The following RYR2 variants were observed in gnomAD, a reference collection of about 807,000 sequenced individuals.
The protein encoded by RYR2 is ryanodine receptor 2.
A neutral mutation model predicts 601.1 loss-of-function variants in RYR2; 227 were observed. The observed-to-expected ratio is 0.38, with a 90% CI of 0.34 to 0.42. The LOEUF (loss-of-function observed/expected upper bound fraction) is 0.42. Among genes scored for constraint, RYR2 ranks in the 10% least tolerant of loss-of-function variants. RYR2 has a pLI of 1.00. For synonymous variants in RYR2, 2,223 were observed against 2,175.1 expected (o/e 1.02, Z -0.61); for missense variants, 4,646 against 6,156.5 (o/e 0.75, Z 8.21).
At chr1:237,813,963 C>T (rs532733720) in intron 100 of RYR2, among the ~76,000 whole-genome samples, 18 of 152,280 alleles carry the variant, frequency 1.2e-4, no homozygotes, top group South Asian at 4.1e-4. Flanking sequence ...TTCACAGTGA[C>T]GGGCTGCTGC....
intron 2 of RYR2, among the ~76,000 whole-genome samples, chr1:237,275,462 T>C (rs1233945883): frequency 1.3e-5 from 2 of 151,796 alleles, no homozygotes; most frequent in African/African-American, 4.8e-5. Flanking sequence ...AGGCATAATT[T>C]AGACTAAAAA....
At chr1:237,685,170 A>G (rs773665102) in intron 62 of RYR2, among the ~76,000 whole-genome samples, 9 of 152,196 alleles carry the variant, frequency 5.9e-5, no homozygotes, top group Non-Finnish European at 1.2e-4. Flanking sequence ...GAAGCAGAGA[A>G]AGGGGACAAC....
At chr1:237,500,682 G>A (rs763533343) in intron 20 of RYR2, 29 bp from the exon 21 acceptor site, 4 of 1,535,854 alleles carry the variant, frequency 2.6e-6, no homozygotes, top group Non-Finnish European at 3.5e-6. Flanking sequence ...AAAAATACAT[G>A]ACCTTCCTTA....
At chr1:237,804,470 G>A (rs906084858) in intron 98 of RYR2, among the ~76,000 whole-genome samples, 6 of 151,980 alleles carry the variant, frequency 3.9e-5, no homozygotes, top group Non-Finnish European at 5.9e-5. Context: ...GGTGTCCGCC[G>A]CTTCCCCAAA....
At position 237,367,745 on chromosome 1, in the gene RYR2, C is replaced by T. The variant is rs139212159; in HGVS notation, c.310-1789C>T. On this transcript the variant is annotated intron_variant, in intron 5 of 104. Transcript: ENST00000366574. Reference sequence around the variant, plus strand: ...TTCCTGTGAAGTTTTTCTGTGCAACCCAACACTAAAATTCCATGATTGCTT... The same window carrying T: ...TTCCTGTGAAGTTTTTCTGTGCAACTCAACACTAAAATTCCATGATTGCTT... 3.0e-3 allele frequency among the ~76,000 whole-genome samples: 464 copies of T among 152,202 alleles called. 6 individuals carry two copies. The highest frequency in any genetic ancestry group is 0.01 in the African/African-American group (419 of 41,500).
chr1:237,674,242 T>A, intron 59 of RYR2, 23 bp downstream of exon 59: 3 of 1,574,192 alleles, frequency 1.9e-6, no homozygotes, highest in Non-Finnish European at 8.7e-7. Context: ...ATACCCTAAG[T>A]ACACACTCTT....
At chr1:237,099,475 C>T (rs543264913) in intron 1 of RYR2, among the ~76,000 whole-genome samples, 11 of 152,106 alleles carry the variant, frequency 7.2e-5, no homozygotes, top group South Asian at 4.1e-4. Context: ...TGGGCCCAAG[C>T]GATCCTCCCA....
intron 25 of RYR2, among the ~76,000 whole-genome samples, chr1:237,535,575 G>C (rs1668534071): frequency 6.6e-6 from 1 of 151,214 alleles, no homozygotes; most frequent in African/African-American, 2.4e-5. Context: ...TAAAGAGGAA[G>C]AAACACTTCA....
At chr1:237,320,624 C>A (rs116379134) in intron 2 of RYR2, among the ~76,000 whole-genome samples, 2,106 of 152,302 alleles carry the variant, frequency 0.014, 40 homozygotes, top group African/African-American at 0.047. Context: ...GGTATATACC[C>A]TGACCTAGTT....
chr1:237,282,513 A>G (rs1234611754), intron 2 of RYR2, among the ~76,000 whole-genome samples: 6 of 152,154 alleles, frequency 3.9e-5, no homozygotes, highest in Admixed American at 2.0e-4. Flanking sequence ...GGAAAGTATT[A>G]TATTGCTAAA....
chr1:237,152,002 C>G (rs141031502), intron 1 of RYR2, among the ~76,000 whole-genome samples: 3 of 152,142 alleles, frequency 2.0e-5, no homozygotes, highest in African/African-American at 4.8e-5. Flanking sequence ...GATGCTCTCT[C>G]TCCTCTAGCC....
At chr1:237,362,021 G>A (rs970114058) in intron 4 of RYR2, among the ~76,000 whole-genome samples, 1 of 152,020 alleles carries the variant, frequency 6.6e-6, no homozygotes, top group Admixed American at 6.6e-5. Context: ...TGACACCCAG[G>A]GCCGTCTATG....
chr1:237,677,919 T>G (rs1685542589), intron 60 of RYR2, 129 bp from the exon 61 acceptor site: 1 of 626,450 alleles, frequency 1.6e-6, no homozygotes, highest in African/African-American at 1.8e-5. Flanking sequence ...TTTATATTTT[T>G]GGTTGGCTTT....
intron 1 of RYR2, among the ~76,000 whole-genome samples, chr1:237,101,122 C>T (rs1460933905): frequency 1.3e-5 from 2 of 152,050 alleles, no homozygotes; most frequent in African/African-American, 2.4e-5. Context: ...GCTCTGCTGT[C>T]TCAGGGGCAG....
chr1:237,320,199 A>C (rs994303893), intron 2 of RYR2, among the ~76,000 whole-genome samples: 6 of 152,104 alleles, frequency 3.9e-5, no homozygotes, highest in African/African-American at 9.7e-5. Context: ...TTTAAGGAGA[A>C]GATTTGCCAA....
At chr1:237,744,394 G>A (rs936919775) in intron 80 of RYR2, among the ~76,000 whole-genome samples, 12 of 151,504 alleles carry the variant, frequency 7.9e-5, no homozygotes, top group African/African-American at 2.2e-4. Flanking sequence ...AGAGGCTTAC[G>A]CTTGTAATCC....
chr1:237,757,709 C>G lies in RYR2; in HGVS notation c.11258C>G (p.Pro3753Arg). The change falls in exon 82 of 105, where the codon CCA (proline) becomes CGA (arginine). Residue 3753 changes from proline to arginine, a missense_variant. This residue lies in a region of RYR2 where 1,497 missense variants were observed against 1,842.6 expected (regional missense o/e 0.81). Transcript: ENST00000366574. ...TTATATTTCTTAGGTGAAACTGGAC[C>G]AATGGTAGCAGCTACTCTGAAACTT... is the stretch of plus-strand genomic sequence containing the variant. ...TISASKGETG[P>R]MVAATLKLGI... The G allele has an allele frequency of 6.2e-7, 1 of 1,608,978 alleles. No individual in the cohort carries two copies. Among genetic ancestry groups the G allele is most frequent in the Non-Finnish European group, 8.5e-7 (1 of 1,175,580 alleles).
At chr1:237,694,082 C>T (rs191342896) in intron 63 of RYR2, among the ~76,000 whole-genome samples, 3 of 152,156 alleles carry the variant, frequency 2.0e-5, no homozygotes, top group African/African-American at 7.2e-5. Flanking sequence ...ATCACAAGGT[C>T]AGGGGATCGA....
At chr1:237,380,136 A>G (rs1368997730) in intron 8 of RYR2, among the ~76,000 whole-genome samples, 1 of 151,560 alleles carries the variant, frequency 6.6e-6, no homozygotes, top group Non-Finnish European at 1.5e-5. Flanking sequence ...CATTCCCACC[A>G]TGGTGGATAG....
Sources: allele counts gnomAD v4.1 joint callset (sites outside exome capture counted in the v4.1 genomes callset), GRCh38; gene constraint gnomAD v4.1.1; regional missense constraint gnomAD v4.1.1; transcripts MANE v1.5; gene names NCBI Gene and HGNC (gene_info 2026-07-23, HGNC 2026-07-21).